RORA: variants seen among roughly 807,000 people sequenced by gnomAD.
RORA encodes the protein nuclear receptor ROR-alpha.
A neutral mutation model predicts 69.5 loss-of-function variants in RORA; 7 were observed. The observed-to-expected ratio is 0.10, with a 90% CI of 0.06 to 0.19. The LOEUF is 0.19. Among genes scored for constraint, RORA ranks in the 10% least tolerant of loss-of-function variants. RORA has a pLI of 1.00. For synonymous variants in RORA, 261 were observed against 240.8 expected (o/e 1.08, Z -0.78); for missense variants, 457 against 663.0 (o/e 0.69, Z 3.41).
chr15:60,755,060 T>G (rs1175184583), intron 1 of RORA, among the ~76,000 whole-genome samples: 1 of 151,390 alleles, frequency 6.6e-6, no homozygotes, highest in Non-Finnish European at 1.5e-5. Flanking sequence ...TGTATACATG[T>G]GCCATGTTGG....
intron 1 of RORA, among the ~76,000 whole-genome samples, chr15:61,127,610 A>G (rs539373028): frequency 2.6e-5 from 4 of 152,384 alleles, no homozygotes; most frequent in African/African-American, 9.6e-5. Flanking sequence ...AGTATGCATC[A>G]TGTCTGACGA....
chr15:60,822,179 C>T (rs1296788746), intron 1 of RORA, among the ~76,000 whole-genome samples: 1 of 152,174 alleles, frequency 6.6e-6, no homozygotes, highest in Non-Finnish European at 1.5e-5. Flanking sequence ...CTTACTTCCA[C>T]AACTGAAATT....
At chr15:60,542,761 A>G (rs1296253680) in intron 2 of RORA, among the ~76,000 whole-genome samples, 4 of 151,232 alleles carry the variant, frequency 2.6e-5, no homozygotes, top group East Asian at 1.9e-4. Context: ...GGCACACCTC[A>G]CACACAAGTC....
intron 1 of RORA, among the ~76,000 whole-genome samples, chr15:61,021,516 C>T (rs149832223): frequency 1.3e-5 from 2 of 152,126 alleles, no homozygotes; most frequent in Non-Finnish European, 2.9e-5. Context: ...TTCTAGCAAT[C>T]GTACAAGTGA....
chr15:61,060,162 T>C (rs2078162578), intron 1 of RORA, among the ~76,000 whole-genome samples: 2 of 152,188 alleles, frequency 1.3e-5, no homozygotes, highest in South Asian at 4.1e-4. Context: ...CAGATCTCAG[T>C]CAAACCCAGG....
At chr15:60,814,524 A>G (rs1366979058) in intron 1 of RORA, among the ~76,000 whole-genome samples, 4 of 152,172 alleles carry the variant, frequency 2.6e-5, no homozygotes, top group Non-Finnish European at 5.9e-5. Context: ...ACAGCTTCCT[A>G]AGATGCCCAA....
chr15:60,855,745 T>C lies in RORA; in HGVS notation c.167-177059A>G, dbSNP rs530073108. Reference sequence around the variant, plus strand: ...AAGCGATTCTCCTGCCTCAGCCTCCTGAGTAGCTGCACAGGCGCCCGCCAC... The same window carrying C: ...AAGCGATTCTCCTGCCTCAGCCTCCCGAGTAGCTGCACAGGCGCCCGCCAC... On this transcript the variant is annotated intron_variant, in intron 1 of 10. Coordinates refer to ENST00000335670, the MANE Select transcript of RORA (RefSeq NM_134261.3). Among the ~76,000 whole-genome samples, 51 of 33,980 alleles carry C rather than the reference T, an allele frequency of 1.5e-3. No homozygotes were observed. In the South Asian group the frequency reaches 0.09, roughly 60 times the overall value. The allele number at this position is 33,980 out of a possible 152,430, so 22.3% of individuals were successfully genotyped here. A position where few individuals can be genotyped will look rare whatever the true frequency, so the allele number is the denominator to read the frequency against.
intron 2 of RORA, among the ~76,000 whole-genome samples, chr15:60,570,166 C>A (rs1413148495): frequency 6.6e-6 from 1 of 151,994 alleles, no homozygotes; most frequent in African/African-American, 2.4e-5. Flanking sequence ...AAACACAGCC[C>A]GGGCACTTCA....
chr15:60,892,533 C>T (rs2073823815), intron 1 of RORA, among the ~76,000 whole-genome samples: 2 of 152,036 alleles, frequency 1.3e-5, no homozygotes, highest in South Asian at 4.1e-4. Flanking sequence ...CTGTTGGTAC[C>T]ACCAGTGTCT....
At chr15:61,075,477 C>A (rs910935882) in intron 1 of RORA, among the ~76,000 whole-genome samples, 1 of 152,162 alleles carries the variant, frequency 6.6e-6, no homozygotes, top group Non-Finnish European at 1.5e-5. Context: ...TTTGCTCCCC[C>A]CATTAGTCTG....
intron 1 of RORA, among the ~76,000 whole-genome samples, chr15:61,073,365 G>A (rs375912649): frequency 2.0e-5 from 3 of 151,490 alleles, no homozygotes; most frequent in East Asian, 1.9e-4. Flanking sequence ...AATCCACCAT[G>A]TGGGATCCTT....
chr15:60,860,203 G>C (rs1260298942), intron 1 of RORA, among the ~76,000 whole-genome samples: 1 of 152,028 alleles, frequency 6.6e-6, no homozygotes, highest in Non-Finnish European at 1.5e-5. Flanking sequence ...CTTTAGATGG[G>C]GCCTAAAACC....
intron 1 of RORA, among the ~76,000 whole-genome samples, chr15:60,822,151 T>C (rs1028381398): frequency 5.9e-5 from 9 of 152,138 alleles, no homozygotes; most frequent in South Asian, 4.1e-4. Flanking sequence ...AAAGGGAAAA[T>C]TGGGGTTCAA....
chr15:61,105,468 C>T (rs2078939502), intron 1 of RORA, among the ~76,000 whole-genome samples: 1 of 152,106 alleles, frequency 6.6e-6, no homozygotes, highest in Non-Finnish European at 1.5e-5. Flanking sequence ...CTTCCAAAAC[C>T]ATCTGTAATG....
At chr15:60,625,053 T>G (rs896743655) in intron 2 of RORA, among the ~76,000 whole-genome samples, 1 of 152,124 alleles carries the variant, frequency 6.6e-6, no homozygotes, top group Non-Finnish European at 1.5e-5. Flanking sequence ...GTTTGCAAAT[T>G]CAAACCACCA....
chr15:60,660,764 CTATT>C (rs762890890), intron 2 of RORA, among the ~76,000 whole-genome samples: 3 of 150,224 alleles, frequency 2.0e-5, no homozygotes, highest in Non-Finnish European at 4.4e-5. Flanking sequence ...AAAAAAAAAA[CTATT>C]TAGAAACCAA....
chr15:60,934,412 C>T (rs934879675), intron 1 of RORA, among the ~76,000 whole-genome samples: 1 of 152,200 alleles, frequency 6.6e-6, no homozygotes, highest in Admixed American at 6.5e-5. Context: ...ACACAGATTG[C>T]TGGGCCATAA....
intron 2 of RORA, among the ~76,000 whole-genome samples, chr15:60,549,820 C>T (rs910680764): frequency 1.9e-4 from 29 of 152,130 alleles, no homozygotes; most frequent in African/African-American, 5.8e-4. Context: ...AAACAGCCTA[C>T]AATAGGACAC....
intron 1 of RORA, among the ~76,000 whole-genome samples, chr15:60,836,791 C>A (rs572260776): frequency 1.3e-5 from 2 of 152,304 alleles, no homozygotes; most frequent in East Asian, 3.9e-4. Context: ...TCACTGAATA[C>A]TCCATGAGCT....
Sources: allele counts gnomAD v4.1 joint callset (sites outside exome capture counted in the v4.1 genomes callset), GRCh38; gene constraint gnomAD v4.1.1; transcripts MANE v1.5; gene names NCBI Gene and HGNC (gene_info 2026-07-23, HGNC 2026-07-21).